Variants in PXDN observed in about 807,000 individuals in gnomAD.
PXDN encodes peroxidasin.
PXDN carries 77 observed loss-of-function variants against 140.3 expected under a neutral mutation model. The ratio of observed to expected loss-of-function variants is 0.55; its 90% CI spans 0.46 to 0.66. PXDN has a LOEUF of 0.66. Among genes scored for constraint, PXDN ranks in the 30% least tolerant of loss-of-function variants. PXDN has a pLI of 0.00. For missense variants in PXDN, 1,838 were observed against 2,039.5 expected (o/e 0.90, Z 1.90); for synonymous variants, 911 against 857.4 (o/e 1.06, Z -1.09).
intron 6 of PXDN, among the ~76,000 whole-genome samples, chr2:1,681,367 C>T (rs62116598): frequency 2.0e-5 from 3 of 151,598 alleles, no homozygotes; most frequent in Non-Finnish European, 2.9e-5. Context: ...AAATAGTCTG[C>T]GAGCCTAAAT....
chr2:1,671,686 G>A (rs1213673483), intron 9 of PXDN, among the ~76,000 whole-genome samples: 1 of 147,606 alleles, frequency 6.8e-6, no homozygotes, highest in Non-Finnish European at 1.5e-5. Context: ...GGTGCGATAT[G>A]CCCCTTTGTG....
At chr2:1,709,311 A>T (rs2125466758) in intron 1 of PXDN, among the ~76,000 whole-genome samples, 1 of 152,210 alleles carries the variant, frequency 6.6e-6, no homozygotes, top group African/African-American at 2.4e-5. Flanking sequence ...GGGAGTAGCT[A>T]TGGCTGCAGG....
intron 14 of PXDN, among the ~76,000 whole-genome samples, chr2:1,658,884 A>T (rs189348979): frequency 6.6e-6 from 1 of 150,530 alleles, no homozygotes; most frequent in Non-Finnish European, 1.5e-5. Context: ...GCGAGTGCTG[A>T]CCACCTCTGC....
In PXDN at chr2:1,635,505, G is replaced by A; in HGVS notation, c.4223C>T (p.Ser1408Leu). 1 of 1,590,538 alleles carries A rather than the reference G, an allele frequency of 6.3e-7. No individual in the cohort carries two copies. Among genetic ancestry groups the A allele is most frequent in the Non-Finnish European group, 8.6e-7 (1 of 1,167,088 alleles). The change falls in exon 22 of 23, where the codon TCA becomes TTA. Residue 1408 changes from serine (S) to leucine (L), a missense_variant. Around this residue, in one of 5 missense-constraint regions of PXDN, gnomAD observed 850 missense variants for 894.1 expected, o/e 0.95. Coordinates refer to ENST00000252804, the MANE Select transcript of PXDN (RefSeq NM_012293.3). The part of the protein sequence containing the change: ...DLRTQIKKLE[S>L]RLSTTECVDA... Reference sequence around the variant, plus strand: ...CACGCACTCTGTGGTACTGAGCCGTGATTCAAGTTTCTTTATCTGCAGCAA... The same window carrying A: ...CACGCACTCTGTGGTACTGAGCCGTAATTCAAGTTTCTTTATCTGCAGCAA...
chr2:1,682,145 G>A (rs1270642873), intron 6 of PXDN, among the ~76,000 whole-genome samples: 1 of 152,240 alleles, frequency 6.6e-6, no homozygotes, highest in Non-Finnish European at 1.5e-5. Context: ...CACCCAGAGA[G>A]AGGCTGAGAA....
intron 1 of PXDN, among the ~76,000 whole-genome samples, chr2:1,705,947 G>A (rs553440564): frequency 3.4e-4 from 52 of 151,852 alleles, no homozygotes; most frequent in African/African-American, 1.2e-3. Flanking sequence ...CGTCCATTAC[G>A]GCCTCCCCCA....
chr2:1,681,071 G>C (rs1223994966), intron 6 of PXDN, among the ~76,000 whole-genome samples: 4 of 152,318 alleles, frequency 2.6e-5, no homozygotes, highest in Non-Finnish European at 5.9e-5. Context: ...TACAGGGCAA[G>C]GGTTGGAAGA....
At chr2:1,654,653 T>G in intron 14 of PXDN, 145 bp from the exon 15 acceptor site, 1 of 607,748 alleles carries the variant, frequency 1.6e-6, no homozygotes, top group Non-Finnish European at 2.9e-6. Context: ...TCAAATTATT[T>G]TATCACAAAT....
intron 7 of PXDN, among the ~76,000 whole-genome samples, chr2:1,679,493 T>C (rs1218063933): frequency 6.7e-6 from 1 of 149,042 alleles, no homozygotes; most frequent in East Asian, 2.0e-4. Context: ...TGTGTGTAAA[T>C]GGTGTGTGTG....
chr2:1,633,865 G>T lies in PXDN; in HGVS notation c.*339C>A, dbSNP rs1459610661. The T allele has an allele frequency of 1.0e-5, 2 of 192,268 alleles. No homozygotes were observed. Among genetic ancestry groups the T allele is most frequent in the Non-Finnish European group, 2.2e-5 (2 of 92,918 alleles). The allele number at this position is 192,268 out of a possible 1,614,324, so 11.9% of individuals were successfully genotyped here. On this transcript the variant is annotated 3_prime_UTR_variant, in exon 23 of 23. Transcript: ENST00000252804. ...GCTTTATTTAAAAAGAAATGGTGTT[G>T]GGAGGCAAAATCAATTTAGGCGCCT...
At chr2:1,717,282 AAG>A (rs1684917636) in intron 1 of PXDN, among the ~76,000 whole-genome samples, 1 of 152,086 alleles carries the variant, frequency 6.6e-6, no homozygotes, top group Non-Finnish European at 1.5e-5. Context: ...GGCTGGTGGA[AAG>A]TCTGACGGGA....
chr2:1,638,844 A>C lies in PXDN; in HGVS notation c.4206+2T>G. 1 of 1,613,792 alleles carries C rather than the reference A, an allele frequency of 6.2e-7. No individual in the cohort carries two copies. ...GGGGACACAGGCCGCCAGGCACCTCACCTGTGTTCTGAGGTCTGTGATGGT... is the reference window on the plus strand; with the variant it reads ...GGGGACACAGGCCGCCAGGCACCTCCCCTGTGTTCTGAGGTCTGTGATGGT... On this transcript the variant is annotated splice_donor_variant, in intron 21 of 22. Coordinates refer to ENST00000252804, the MANE Select transcript of PXDN (RefSeq NM_012293.3). LOFTEE classifies it high-confidence loss of function.
intron 14 of PXDN, among the ~76,000 whole-genome samples, chr2:1,657,808 C>A (rs1409314493): frequency 7.0e-6 from 1 of 142,800 alleles, no homozygotes; most frequent in Non-Finnish European, 1.5e-5. Context: ...TGGAACCTGT[C>A]CCCACCTGAC....
chr2:1,742,598 T>A (rs962475754), intron 1 of PXDN, among the ~76,000 whole-genome samples: 39 of 152,346 alleles, frequency 2.6e-4, no homozygotes, highest in African/African-American at 9.4e-4. Flanking sequence ...GCAAGCTTTA[T>A]GAAACTGACC....
intron 1 of PXDN, among the ~76,000 whole-genome samples, chr2:1,730,633 C>G (rs978792423): frequency 6.6e-6 from 1 of 152,188 alleles, no homozygotes; most frequent in African/African-American, 2.4e-5. Context: ...ACTTAAACAT[C>G]CAGCTCCTGG....
chr2:1,693,985 G>A (rs183804925), intron 1 of PXDN, among the ~76,000 whole-genome samples: 12 of 152,202 alleles, frequency 7.9e-5, no homozygotes, highest in Non-Finnish European at 1.6e-4. Flanking sequence ...CAGAGGCGTC[G>A]GCTCTACCCT....
At chr2:1,666,626 T>C in intron 9 of PXDN, 140 bp from the exon 10 acceptor site, 2 of 1,179,776 alleles carry the variant, frequency 1.7e-6, no homozygotes, top group South Asian at 3.3e-5. Flanking sequence ...CATATTTTCT[T>C]TTTAAAGAAA....
intron 9 of PXDN, among the ~76,000 whole-genome samples, chr2:1,671,846 A>G (rs546975237): frequency 6.6e-6 from 1 of 152,080 alleles, no homozygotes; most frequent in East Asian, 1.9e-4. Context: ...CTACTACTCA[A>G]CTCTGCCATG....
chr2:1,650,819 G>T (rs1225642151), intron 16 of PXDN, among the ~76,000 whole-genome samples: 1 of 152,028 alleles, frequency 6.6e-6, no homozygotes, highest in Non-Finnish European at 1.5e-5. Flanking sequence ...AGCCATCACT[G>T]CTTCTTTTTT....
Sources: gnomAD v4.1 joint callset for allele counts (sites outside exome capture counted in the v4.1 genomes callset) on GRCh38, gnomAD v4.1.1 for gene constraint, gnomAD v4.1.1 regional missense constraint, MANE v1.5 for transcripts, NCBI Gene and HGNC (gene_info 2026-07-23, HGNC 2026-07-21) for gene names.